ACOT7: variants seen among roughly 807,000 people sequenced by gnomAD.
ACOT7 encodes cytosolic acyl coenzyme A thioester hydrolase.
In ACOT7, 12 loss-of-function variants were observed where a neutral mutation model predicts 40.2. The observed-to-expected ratio is 0.30, with a 90% CI of 0.19 to 0.48. The LOEUF (loss-of-function observed/expected upper bound fraction) is 0.48, where lower values mean the gene tolerates loss of function less well. Ranked by LOEUF, ACOT7 falls within the 20% of genes least tolerant of loss-of-function variation. ACOT7 has a pLI of 0.99. For synonymous variants in ACOT7, 228 were observed against 219.5 expected, an observed-to-expected ratio of 1.04 and a Z score of -0.34; for missense variants, 395 against 530.8, an observed-to-expected ratio of 0.74 and a Z score of 2.51.
rs1641827586 is a variant in ACOT7, at chr1:6,359,030, A to G, written c.144-9164T>C. The G allele has an allele frequency of 1.3e-5, 12 of 944,150 alleles. No individual in the cohort carries two copies. The South Asian group carries it at 2.3e-4, about 18-fold the overall frequency. 58.5% of individuals were successfully genotyped at this position (944,150 alleles called of 1,614,324 possible). A position where few individuals can be genotyped will look rare whatever the true frequency, so the allele number is the denominator to read the frequency against. ...CAGGAAGAGGCTGCCTCGCCAATCCAGAGCGTCTACCAGAAACCGGTCGTC... is the reference window on the plus strand; with the variant it reads ...CAGGAAGAGGCTGCCTCGCCAATCCGGAGCGTCTACCAGAAACCGGTCGTC... On this transcript the variant is annotated intron_variant, in intron 1 of 8. Coordinates refer to ENST00000361521, the MANE Select transcript of ACOT7 (RefSeq NM_007274.4). This position sits in a 1 kb window ranked among gnomAD's most constrained non-coding sequence, Gnocchi z 4.1.
At chr1:6,302,670 A>AT (rs1278970988) in intron 6 of ACOT7, among the ~76,000 whole-genome samples, 1 of 152,012 alleles carries the variant, frequency 6.6e-6, no homozygotes, top group Non-Finnish European at 1.5e-5. Flanking sequence ...AAAAACTGAG[A>AT]TTTTAATCAA....
intron 7 of ACOT7, among the ~76,000 whole-genome samples, chr1:6,284,698 C>A (rs1246393922): frequency 6.6e-6 from 1 of 152,102 alleles, no homozygotes; most frequent in Admixed American, 6.5e-5. Flanking sequence ...ACATAGAGGC[C>A]CCCCTGCAGC....
intron 8 of ACOT7, among the ~76,000 whole-genome samples, chr1:6,271,785 C>T (rs1449920947): frequency 6.6e-6 from 1 of 152,256 alleles, no homozygotes; most frequent in Admixed American, 6.5e-5. Flanking sequence ...ACCAGGGGCT[C>T]CCCTCACCCA....
intron 1 of ACOT7, among the ~76,000 whole-genome samples, chr1:6,364,582 G>T (rs1641960033): frequency 6.6e-6 from 1 of 151,128 alleles, no homozygotes; most frequent in South Asian, 2.1e-4. Context: ...TGGCGCAGTG[G>T]CTCACGCCTG....
intron 3 of ACOT7, 41 bp from the exon 4 acceptor site, chr1:6,333,609 G>A (rs765076039): frequency 6.0e-5 from 96 of 1,604,522 alleles, no homozygotes; most frequent in Middle Eastern, 1.6e-4. Flanking sequence ...CCCGGGAGAC[G>A]GGGTGGGAAT....
At chr1:6,280,956 A>T in intron 8 of ACOT7, 146 bp downstream of exon 8, 1 of 1,136,950 alleles carries the variant, frequency 8.8e-7, no homozygotes, top group Non-Finnish European at 1.2e-6. Flanking sequence ...GTCACCGGTC[A>T]CGGCAGTGGC....
chr1:6,310,919 G>A (rs1245760161), intron 6 of ACOT7, among the ~76,000 whole-genome samples: 3 of 152,088 alleles, frequency 2.0e-5, no homozygotes, highest in Non-Finnish European at 4.4e-5. Flanking sequence ...TGTATTTTTA[G>A]TAGAGACGAG....
intron 1 of ACOT7, among the ~76,000 whole-genome samples, chr1:6,351,841 G>C (rs916515284): frequency 1.3e-5 from 2 of 152,268 alleles, no homozygotes; most frequent in Non-Finnish European, 2.9e-5. Flanking sequence ...CGGAGGAAGT[G>C]CTTTCATGCG....
chr1:6,378,166 G>A (rs753663947), intron 1 of ACOT7, among the ~76,000 whole-genome samples: 4 of 146,558 alleles, frequency 2.7e-5, no homozygotes, highest in Non-Finnish European at 6.2e-5. Context: ...AATTCCACCA[G>A]AGCAGCCCTG....
chr1:6,390,535 G>A (rs1004527750), intron 1 of ACOT7, among the ~76,000 whole-genome samples: 9 of 152,096 alleles, frequency 5.9e-5, no homozygotes, highest in South Asian at 2.1e-4. Context: ...GTGTGTCACC[G>A]CACTCCAGCC....
At chr1:6,336,435 T>C (rs1348383918) in intron 3 of ACOT7, among the ~76,000 whole-genome samples, 1 of 152,110 alleles carries the variant, frequency 6.6e-6, no homozygotes, top group Non-Finnish European at 1.5e-5. Context: ...AGCTTAATAT[T>C]TTGACAGTTG....
In ACOT7 at chr1:6,264,705, A is replaced by G. The variant is rs183552627; in HGVS notation, c.1015-10T>C. ...CGTCCTCGGTCTCGGGCTGTGGACC[A>G]CACACAGAGACAGGCAGGTTAGGGT... On this transcript the variant is annotated splice_polypyrimidine_tract_variant and intron_variant, in intron 8 of 8. Transcript: ENST00000361521. The G allele has an allele frequency of 1.6e-5, 26 of 1,612,428 alleles. No homozygotes were observed. The highest frequency in any genetic ancestry group is 2.2e-5 in the Non-Finnish European group (26 of 1,179,714).
chr1:6,363,484 C>G (rs1316796762), intron 1 of ACOT7, among the ~76,000 whole-genome samples: 2 of 152,208 alleles, frequency 1.3e-5, no homozygotes, highest in African/African-American at 4.8e-5. Context: ...CTTCAGTGGT[C>G]ACGCTCCTAG....
At chr1:6,280,481 T>C (rs559750041) in intron 8 of ACOT7, among the ~76,000 whole-genome samples, 2 of 152,328 alleles carry the variant, frequency 1.3e-5, no homozygotes, top group South Asian at 4.1e-4. Context: ...TGTGGACACC[T>C]GGGGGCAGCA....
chr1:6,305,083 C>T (rs542580385), intron 6 of ACOT7, among the ~76,000 whole-genome samples: 2 of 141,048 alleles, frequency 1.4e-5, no homozygotes, highest in East Asian at 2.2e-4. Flanking sequence ...CTGACCCCCC[C>T]ACATCCCTCC....
Position 6,282,585 on chromosome 1 carries a change from A to G in ACOT7, c.830-1299T>C. 1 of 543,298 alleles carries G rather than the reference A, an allele frequency of 1.8e-6. No homozygotes were observed. The highest frequency in any genetic ancestry group is 6.9e-5 in the East Asian group (1 of 14,412). 33.7% of individuals were successfully genotyped at this position (543,298 alleles called of 1,614,324 possible). A position where few individuals can be genotyped will look rare whatever the true frequency, so the allele number is the denominator to read the frequency against. On this transcript the variant is annotated intron_variant, in intron 7 of 8. Transcript: ENST00000361521. The surrounding 1 kb of genome is among the most constrained non-coding windows in gnomAD (Gnocchi z 4.5). ...TAGCTGCACCGAGACCAGCCTCACA[A>G]GGCAGGTTTAGAGACCCAGAGTGAG... is the stretch of plus-strand genomic sequence containing the variant.
At chr1:6,360,837 C>G (rs1453936627) in intron 1 of ACOT7, 1 of 1,272,010 alleles carries the variant, frequency 7.9e-7, no homozygotes, top group Non-Finnish European at 1.1e-6. Flanking sequence ...CACCACCCAC[C>G]CCAAATCAGT....
intron 8 of ACOT7, among the ~76,000 whole-genome samples, chr1:6,268,433 C>G (rs1638917500): frequency 6.6e-6 from 1 of 152,206 alleles, no homozygotes; most frequent in Non-Finnish European, 1.5e-5. Context: ...ACTAACTAGA[C>G]CTAGATCTAG....
chr1:6,345,436 C>T (rs1194631759), intron 2 of ACOT7, among the ~76,000 whole-genome samples: 2 of 152,212 alleles, frequency 1.3e-5, no homozygotes, highest in African/African-American at 4.8e-5. Flanking sequence ...CCTTGTGCAG[C>T]GACACAACCT....
Sources: gnomAD v4.1 joint callset for allele counts (sites outside exome capture counted in the v4.1 genomes callset) on GRCh38, gnomAD v4.1.1 for gene constraint, Gnocchi (gnomAD v3.1) non-coding constraint, MANE v1.5 for transcripts, NCBI Gene and HGNC (gene_info 2026-07-23, HGNC 2026-07-21) for gene names.